The following ASTL variants were observed in gnomAD, a reference collection of about 807,000 sequenced individuals.
The protein encoded by ASTL is astacin like metalloendopeptidase.
ASTL carries 27 observed loss-of-function variants against 36.7 expected under a neutral mutation model. The observed-to-expected ratio is 0.73, with a 90% CI of 0.54 to 1.01. ASTL has a LOEUF of 1.01. Ranked by LOEUF, ASTL falls within the 50% of genes least tolerant of loss-of-function variation. The probability of loss-of-function intolerance (pLI) is 0.00; values close to 1 mark genes in which losing one functional copy is unlikely to be tolerated. For missense variants in ASTL, 524 were observed against 572.8 expected (o/e 0.91, Z 0.87); for synonymous variants, 222 against 228.1 (o/e 0.97, Z 0.24).
At chr2:96,128,665 G>A (rs1490093431) in intron 8 of ASTL, among the ~76,000 whole-genome samples, 1 of 152,202 alleles carries the variant, frequency 6.6e-6, no homozygotes, top group East Asian at 1.9e-4. Flanking sequence ...ATGCATTTAT[G>A]TAAAGACGTT....
rs112037763 is a variant in ASTL, at chr2:96,136,033, G to A, written c.182-621C>T. 1.5e-3 allele frequency among the ~76,000 whole-genome samples: 230 copies of A among 152,328 alleles called. 2 individuals carry two copies. The highest frequency in any genetic ancestry group is 6.8e-3 in the Middle Eastern group (2 of 294). On this transcript the variant is annotated intron_variant, in intron 2 of 8. Transcript: ENST00000342380. ...TCCACAAATTTGTTCCACCATCAGAGGCAGGCAAATACCGGCTCTCGCAAG... is the reference window on the plus strand; with the variant it reads ...TCCACAAATTTGTTCCACCATCAGAAGCAGGCAAATACCGGCTCTCGCAAG...
intron 8 of ASTL, among the ~76,000 whole-genome samples, chr2:96,125,964 G>T (rs1682056301): frequency 6.6e-6 from 1 of 152,016 alleles, no homozygotes; most frequent in African/African-American, 2.4e-5. Flanking sequence ...GGGAAAGAAT[G>T]GTGCTGGAAC....
At chr2:96,133,316 A>T in intron 5 of ASTL, 109 bp downstream of exon 5, 2 of 830,286 alleles carry the variant, frequency 2.4e-6, no homozygotes, top group South Asian at 3.0e-5. Context: ...GGGCAGGGAG[A>T]CTGAGCCCTG....
At chr2:96,133,265 GC>G (rs943338329) in intron 5 of ASTL, among the ~76,000 whole-genome samples, 159 bp downstream of exon 5, 25 of 152,260 alleles carry the variant, frequency 1.6e-4, no homozygotes, top group African/African-American at 5.8e-4. Context: ...CCCACATTCC[GC>G]CCTGGAGGTC....
In ASTL at chr2:96,135,372, G is replaced by C. The variant is rs753291024; in HGVS notation, c.222C>G (p.Ile74Met). The change falls in exon 3 of 9, where the codon ATC becomes ATG. Residue 74 changes from isoleucine (I) to methionine (M), a missense_variant. Transcript: ENST00000342380. ...LEETPESSFL[I>M]EGDIIRPSPF... ...TCACCGGCCGGATGATGTCCCCCTCGATGAGGAAGCTGCTCTCTGGGGTTT... is the reference window on the plus strand; with the variant it reads ...TCACCGGCCGGATGATGTCCCCCTCCATGAGGAAGCTGCTCTCTGGGGTTT... 1 of 1,614,168 alleles carries C rather than the reference G, an allele frequency of 6.2e-7. No homozygotes were observed. Among genetic ancestry groups the C allele is most frequent in the East Asian group, 2.2e-5 (1 of 44,880 alleles).
At chr2:96,128,411 T>A (rs1273214907) in intron 8 of ASTL, among the ~76,000 whole-genome samples, 1 of 152,190 alleles carries the variant, frequency 6.6e-6, no homozygotes, top group African/African-American at 2.4e-5. Flanking sequence ...TACTATATAT[T>A]TTTTTTCTAA....
intron 4 of ASTL, 111 bp downstream of exon 4, chr2:96,133,854 T>C: frequency 1.3e-6 from 1 of 762,882 alleles, no homozygotes; most frequent in East Asian, 2.7e-5. Context: ...GTTCTTCGGG[T>C]GGGGAGGTGG....
Position 96,123,919 on chromosome 2 carries a change from G to C in ASTL, c.1227C>G (p.Val409=), listed in dbSNP as rs748981979. 5.0e-6 allele frequency: 8 copies of C among 1,613,862 alleles called. No individual in the cohort carries two copies. In the African/African-American group the frequency reaches 9.3e-5, roughly 19 times the overall value. ...CCCCTGGCAGAGCTGGGCTTCCCTGGACAGGGACTGGCTGGATTCCTGCTT... is the reference window on the plus strand; with the variant it reads ...CCCCTGGCAGAGCTGGGCTTCCCTGCACAGGGACTGGCTGGATTCCTGCTT... ...SSEAGIQPVP[V]QGSPALPGGC... Residue 409 remains valine (V), a synonymous_variant, in exon 9 of 9, where the codon GTC becomes GTG. Coordinates refer to ENST00000342380, the MANE Select transcript of ASTL (RefSeq NM_001002036.4).
At chr2:96,136,427 G>A (rs1419178367) in intron 2 of ASTL, among the ~76,000 whole-genome samples, 1 of 152,246 alleles carries the variant, frequency 6.6e-6, no homozygotes, top group Non-Finnish European at 1.5e-5. Flanking sequence ...TCCCAGGAAA[G>A]CACTGGGTAA....
intron 3 of ASTL, among the ~76,000 whole-genome samples, chr2:96,134,911 G>A (rs549290308): frequency 1.3e-5 from 2 of 152,116 alleles, no homozygotes; most frequent in African/African-American, 4.8e-5. Context: ...GCGGCCCCTC[G>A]ACCACAGCCA....
At chr2:96,126,039 C>A (rs1227695281) in intron 8 of ASTL, among the ~76,000 whole-genome samples, 3 of 152,082 alleles carry the variant, frequency 2.0e-5, no homozygotes, top group South Asian at 2.1e-4. Flanking sequence ...AGGGTTCACT[C>A]CAAATAGGTC....
At position 96,133,412 on chromosome 2, in the gene ASTL, C is replaced by T; in HGVS notation, c.455+13G>A. ...AAGCGAGCTGAGATACGCATCCTGGCCCCGGCACTTACCCATACATGGGGA... is the reference window on the plus strand; with the variant it reads ...AAGCGAGCTGAGATACGCATCCTGGTCCCGGCACTTACCCATACATGGGGA... On this transcript the variant is annotated intron_variant, in intron 5 of 8. Coordinates refer to ENST00000342380, the MANE Select transcript of ASTL (RefSeq NM_001002036.4). 2 of 1,533,856 alleles carry T rather than the reference C, an allele frequency of 1.3e-6. No homozygotes were observed. Among genetic ancestry groups the T allele is most frequent in the Admixed American group, 1.7e-5 (1 of 59,910 alleles).
In ASTL at chr2:96,124,006, A is replaced by G. The variant is rs763315240; in HGVS notation, c.1140T>C (p.Gly380=). The G allele has an allele frequency of 2.5e-6, 4 of 1,613,820 alleles. No homozygotes were observed. Among genetic ancestry groups the G allele is most frequent in the Non-Finnish European group, 3.4e-6 (4 of 1,179,972 alleles). The change falls in exon 9 of 9, where the codon GGT becomes GGC. Residue 380 remains glycine, a synonymous_variant. Transcript: ENST00000342380. The surrounding 1 kb of genome is among the most constrained non-coding windows in gnomAD (Gnocchi z 4.1). ...PRSRPGAGAP[G]VAQEQSWLAG... is the part of the protein sequence containing the mutation. ...CCAGCCAGGACTGCTCCTGAGCAAC[A>G]CCGGGGGCACCTGCTCCAGGCCTTG...
intron 8 of ASTL, among the ~76,000 whole-genome samples, chr2:96,127,260 C>T (rs1021339191): frequency 6.6e-6 from 1 of 152,154 alleles, no homozygotes; most frequent in African/African-American, 2.4e-5. Context: ...AGGGAGAGGG[C>T]ATTTGCATGC....
intron 8 of ASTL, among the ~76,000 whole-genome samples, chr2:96,125,668 C>T (rs1682050319): frequency 6.6e-6 from 1 of 152,184 alleles, no homozygotes; most frequent in Non-Finnish European, 1.5e-5. Context: ...CAAGGCCAAG[C>T]ATGCTGGCTC....
rs1373620969 is a variant in ASTL, at chr2:96,123,609, A to C, written c.*241T>G. 6.6e-6 allele frequency among the ~76,000 whole-genome samples: 1 copy of C among 152,108 alleles called. No homozygotes were observed. Among genetic ancestry groups the C allele is most frequent in the African/African-American group, 2.4e-5 (1 of 41,402 alleles). Reference sequence around the variant, plus strand: ...CCAGCATCCACCAGGGCTGGGCAAAAGTCAAGAGCAGGCACAGCCAGGCCT... The same window carrying C: ...CCAGCATCCACCAGGGCTGGGCAAACGTCAAGAGCAGGCACAGCCAGGCCT... On this transcript the variant is annotated 3_prime_UTR_variant, in exon 9 of 9. Coordinates refer to ENST00000342380, the MANE Select transcript of ASTL (RefSeq NM_001002036.4).
At chr2:96,128,483 G>A (rs1444108289) in intron 8 of ASTL, among the ~76,000 whole-genome samples, 1 of 152,098 alleles carries the variant, frequency 6.6e-6, no homozygotes, top group Non-Finnish European at 1.5e-5. Flanking sequence ...CGCATGATAT[G>A]AGTTAGGGAT....
Position 96,126,294 on chromosome 2 carries a change from A to G in ASTL, c.875-2023T>C, listed in dbSNP as rs1041778157. Among the ~76,000 whole-genome samples the G allele has an allele frequency of 3.9e-5, 6 of 152,254 alleles. No individual in the cohort carries two copies. In the East Asian group the frequency reaches 1.2e-3, roughly 29 times the overall value. On this transcript the variant is annotated intron_variant, in intron 8 of 8. Transcript: ENST00000342380. ...GATGAGGGACATGTGTCTAGAATAT[A>G]TAAAGAACTCTTACAACTCAGAAGA...
chr2:96,135,424 A>G lies in ASTL; in HGVS notation c.182-12T>C. 1 of 1,613,854 alleles carries G rather than the reference A, an allele frequency of 6.2e-7. No homozygotes were observed. Among genetic ancestry groups the G allele is most frequent in the South Asian group, 1.1e-5 (1 of 90,972 alleles). ...TTCCAGGATGAGCCCTGGGAAAGGA[A>G]GAAGGACGTGTTGGCCCATGTCCCC... On this transcript the variant is annotated splice_polypyrimidine_tract_variant and intron_variant, in intron 2 of 8. Coordinates refer to ENST00000342380, the MANE Select transcript of ASTL (RefSeq NM_001002036.4).
Sources: allele counts gnomAD v4.1 joint callset (sites outside exome capture counted in the v4.1 genomes callset), GRCh38; gene constraint gnomAD v4.1.1; non-coding constraint Gnocchi (gnomAD v3.1); transcripts MANE v1.5; gene names NCBI Gene and HGNC (gene_info 2026-07-23, HGNC 2026-07-21).